The following USP6NL variants were observed in gnomAD, a reference collection of about 807,000 sequenced individuals.
USP6NL encodes the protein USP6 N-terminal-like protein.
Under a neutral mutation model 61.9 loss-of-function variants are expected in USP6NL, and 26 were observed. That is an observed-to-expected ratio of 0.42 (90% CI 0.31 to 0.58). The LOEUF is 0.58. Among genes scored for constraint, USP6NL ranks in the 20% least tolerant of loss-of-function variants. USP6NL has a pLI of 0.16. For missense variants in USP6NL, 1,114 were observed against 1,034.3 expected (o/e 1.08, Z -1.06); for synonymous variants, 432 against 390.1 (o/e 1.11, Z -1.27).
At chr10:11,475,064 A>G (rs192426125) in intron 14 of USP6NL, among the ~76,000 whole-genome samples, 113 of 152,344 alleles carry the variant, frequency 7.4e-4, no homozygotes, top group African/African-American at 2.7e-3. Flanking sequence ...ATTGGCAGTC[A>G]TAGTGGATTA....
chr10:11,570,382 A>G (rs746466119), intron 2 of USP6NL, among the ~76,000 whole-genome samples: 14 of 152,232 alleles, frequency 9.2e-5, no homozygotes, highest in Non-Finnish European at 1.9e-4. Context: ...ATCTAGAGGA[A>G]AAGTATGAAG....
chr10:11,566,191 T>C (rs1260464279), intron 2 of USP6NL, among the ~76,000 whole-genome samples: 2 of 152,188 alleles, frequency 1.3e-5, no homozygotes, highest in Non-Finnish European at 2.9e-5. Context: ...GCACTCATAA[T>C]AAATTTTTAA....
In USP6NL at chr10:11,525,600, T is replaced by G; in HGVS notation, c.73-132A>C. 1.3e-6 allele frequency: 1 copy of G among 771,582 alleles called. No individual in the cohort carries two copies. The highest frequency in any genetic ancestry group is 1.9e-6 in the Non-Finnish European group (1 of 520,074). The allele number at this position is 771,582 out of a possible 1,614,324, so 47.8% of individuals were successfully genotyped here. ...AATAAGAGCTGGAAGTGAGGCATTA[T>G]GAGCCTTAACATTTTTTTTTCCCCT... is the stretch of plus-strand genomic sequence containing the variant. On this transcript the variant is annotated intron_variant, in intron 3 of 14. Coordinates refer to ENST00000609104, the MANE Select transcript of USP6NL (RefSeq NM_014688.5). The surrounding 1 kb of genome is among the most constrained non-coding windows in gnomAD (Gnocchi z 5.0).
At chr10:11,559,851 T>C (rs1380256516) in intron 2 of USP6NL, among the ~76,000 whole-genome samples, 1 of 152,194 alleles carries the variant, frequency 6.6e-6, no homozygotes, top group Non-Finnish European at 1.5e-5. Flanking sequence ...TTAACTTCTC[T>C]AAGCTTCATT....
Position 11,562,203 on chromosome 10 carries a change from A to G in USP6NL, c.5-34636T>C, listed in dbSNP as rs1836963480. 6.6e-6 allele frequency among the ~76,000 whole-genome samples: 1 copy of G among 151,322 alleles called. No individual in the cohort carries two copies. Among genetic ancestry groups the G allele is most frequent in the Admixed American group, 6.6e-5 (1 of 15,136 alleles). On this transcript the variant is annotated intron_variant, in intron 2 of 14. Coordinates refer to ENST00000609104, the MANE Select transcript of USP6NL (RefSeq NM_014688.5). This position sits in a 1 kb window ranked among gnomAD's most constrained non-coding sequence, Gnocchi z 4.8. ...GCTGAAGCCGGTAGGCGGAGGTTGC[A>G]GTGAGCCGAGATCGCACCACTGCAC...
Position 11,520,723 on chromosome 10 carries a change from C to A in USP6NL, c.156-2149G>T, listed in dbSNP as rs7916934. ...TCTGGCCCACTGTGCATTTTTGTAA[C>A]GTTTTAATGGAACGCTGTCACACTC... On this transcript the variant is annotated intron_variant, in intron 4 of 14. Coordinates refer to ENST00000609104, the MANE Select transcript of USP6NL (RefSeq NM_014688.5). This position sits in a 1 kb window ranked among gnomAD's most constrained non-coding sequence, Gnocchi z 5.2. Among the ~76,000 whole-genome samples, 152,147 of 152,378 alleles carry A rather than the reference C, an allele frequency of 1. 75,958 individuals are homozygous for A. Among genetic ancestry groups the A allele is most frequent in the East Asian group, 1 (5,184 of 5,184 alleles).
intron 2 of USP6NL, among the ~76,000 whole-genome samples, chr10:11,534,227 C>G (rs1835755289): frequency 6.6e-6 from 1 of 152,232 alleles, no homozygotes; most frequent in African/African-American, 2.4e-5. Context: ...TGCCCATTGG[C>G]TATCCATCTC....
chr10:11,558,139 G>A (rs1308677730), intron 2 of USP6NL, among the ~76,000 whole-genome samples: 2 of 152,148 alleles, frequency 1.3e-5, no homozygotes, highest in Non-Finnish European at 2.9e-5. Flanking sequence ...TTTGCGAAGC[G>A]ACAGGTGGTA....
intron 2 of USP6NL, among the ~76,000 whole-genome samples, chr10:11,583,463 T>C (rs1254570206): frequency 1.3e-5 from 2 of 152,092 alleles, no homozygotes; most frequent in Non-Finnish European, 2.9e-5. Flanking sequence ...AGTGCTGGGA[T>C]TACAGGCGTG....
Position 11,496,514 on chromosome 10 carries a change from T to C in USP6NL, c.385-3286A>G, listed in dbSNP as rs946654435. ...GTTTGCCTTTTTATAATAAAAACTC[T>C]GCTATCAATTTAGTGGCATTTCAAG... On this transcript the variant is annotated intron_variant, in intron 7 of 14. Coordinates refer to ENST00000609104, the MANE Select transcript of USP6NL (RefSeq NM_014688.5). This position sits in a 1 kb window ranked among gnomAD's most constrained non-coding sequence, Gnocchi z 5.4. Among the ~76,000 whole-genome samples the C allele has an allele frequency of 3.3e-5, 5 of 152,236 alleles. No individual in the cohort carries two copies. Among genetic ancestry groups the C allele is most frequent in the African/African-American group, 9.6e-5 (4 of 41,454 alleles).
rs1276938195 is a variant in USP6NL, at chr10:11,460,652, T to A, written c.*1789A>T. The stretch of plus-strand genomic sequence containing the variant: ...ATATATATATATATATATATATATA[T>A]ATAAAAATCTACAGTATTTACCACT... On this transcript the variant is annotated 3_prime_UTR_variant, in exon 15 of 15. Transcript: ENST00000609104. The A allele has an allele frequency of 4.4e-5, 6 of 135,190 alleles. No individual in the cohort carries two copies. In the East Asian group the frequency reaches 1.3e-3, roughly 29 times the overall value. The allele number at this position is 135,190 out of a possible 1,614,324, so 8.4% of individuals were successfully genotyped here. A position where few individuals can be genotyped will look rare whatever the true frequency, so the allele number is the denominator to read the frequency against.
rs1322082592 is a variant in USP6NL, at chr10:11,597,617, A to G, written c.4+14T>C. On this transcript the variant is annotated intron_variant, in intron 2 of 14. Transcript: ENST00000609104. The surrounding 1 kb of genome is among the most constrained non-coding windows in gnomAD (Gnocchi z 4.6). ...TCCTGAGATGGCTGGAAGGAAAGGA[A>G]GCAGCGCACTTACTCATGACTGGAA... 1.5e-5 allele frequency: 24 copies of G among 1,551,602 alleles called. No homozygotes were observed. Among genetic ancestry groups the G allele is most frequent in the Non-Finnish European group, 2.1e-5 (24 of 1,146,890 alleles).
At chr10:11,579,338 C>T (rs1309752644) in intron 2 of USP6NL, among the ~76,000 whole-genome samples, 9 of 152,198 alleles carry the variant, frequency 5.9e-5, no homozygotes. Context: ...ACATTAATGG[C>T]TTTCCATTTG....
intron 14 of USP6NL, among the ~76,000 whole-genome samples, chr10:11,473,483 C>T (rs1237249487): frequency 6.6e-6 from 1 of 152,150 alleles, no homozygotes; most frequent in Non-Finnish European, 1.5e-5. Flanking sequence ...TAAACCAAGT[C>T]GTGAAACTTG....
chr10:11,542,851 G>A (rs755754675), intron 2 of USP6NL, among the ~76,000 whole-genome samples: 2 of 152,164 alleles, frequency 1.3e-5, no homozygotes, highest in Admixed American at 6.5e-5. Flanking sequence ...CAGCAGCTGC[G>A]TCGACAGTAA....
chr10:11,555,754 A>C (rs1332214411), intron 2 of USP6NL, among the ~76,000 whole-genome samples: 2 of 152,166 alleles, frequency 1.3e-5, no homozygotes, highest in Non-Finnish European at 2.9e-5. Flanking sequence ...AGAAATCTTA[A>C]AATAGCAGTC....
At chr10:11,527,651 A>C in intron 2 of USP6NL, 84 bp from the exon 3 acceptor site, 2 of 1,228,346 alleles carry the variant, frequency 1.6e-6, no homozygotes, top group South Asian at 2.8e-5. Flanking sequence ...ACATAATAAA[A>C]CAAAAAATAA....
Position 11,527,491 on chromosome 10 carries a change from G to C in USP6NL, c.72+9C>G, listed in dbSNP as rs78495996. 8.7e-3 allele frequency: 13,836 copies of C among 1,595,464 alleles called. 125 individuals carry two copies. Among genetic ancestry groups the C allele is most frequent in the East Asian group, 0.048 (2,130 of 44,412 alleles). ...AAACTCACCCAAAGTGTTAAATATGGATACTTACTCTGTCATATTTAGCAA... is the reference window on the plus strand; with the variant it reads ...AAACTCACCCAAAGTGTTAAATATGCATACTTACTCTGTCATATTTAGCAA... On this transcript the variant is annotated intron_variant, in intron 3 of 14. Coordinates refer to ENST00000609104, the MANE Select transcript of USP6NL (RefSeq NM_014688.5).
Position 11,476,409 on chromosome 10 carries a change from A to G in USP6NL, c.1078+5361T>C, listed in dbSNP as rs1832968395. Among the ~76,000 whole-genome samples the G allele has an allele frequency of 6.6e-6, 1 of 152,198 alleles. No individual in the cohort carries two copies. Among genetic ancestry groups the G allele is most frequent in the South Asian group, 2.1e-4 (1 of 4,828 alleles). ...TGTTCAAATAAGCTGGGCAATGGGT[A>G]CCTGGGAGGAAGTCATTATACATTT... On this transcript the variant is annotated intron_variant, in intron 14 of 14. Coordinates refer to ENST00000609104, the MANE Select transcript of USP6NL (RefSeq NM_014688.5). This position sits in a 1 kb window ranked among gnomAD's most constrained non-coding sequence, Gnocchi z 4.3.
Sources: gnomAD v4.1 joint callset for allele counts (sites outside exome capture counted in the v4.1 genomes callset) on GRCh38, gnomAD v4.1.1 for gene constraint, Gnocchi (gnomAD v3.1) non-coding constraint, MANE v1.5 for transcripts, NCBI Gene and HGNC (gene_info 2026-07-23, HGNC 2026-07-21) for gene names.